The following ANO1 variants were observed in gnomAD, a reference collection of about 807,000 sequenced individuals.
The protein encoded by ANO1 is anoctamin 1, also known as anoctamin-1.
ANO1 carries 59 observed loss-of-function variants against 124.0 expected under a neutral mutation model. The observed-to-expected ratio is 0.48, with a 90% confidence interval of 0.39 to 0.59. ANO1 has a LOEUF of 0.59. ANO1 is among the 20% of genes least tolerant of loss of function. The pLI is 0.00. For synonymous variants in ANO1, 529 were observed against 532.0 expected, an observed-to-expected ratio of 0.99 and a Z score of 0.08; for missense variants, 1,059 against 1,328.0, an observed-to-expected ratio of 0.80 and a Z score of 3.15.
At position 70,179,997 on chromosome 11, in the gene ANO1, C is replaced by A. The variant is rs760766322; in HGVS notation, c.2351-7C>A. ...CTCTTTAAAACTGTGACTTCTTCTTCCCCCAGGAATCTGGTACAATATCCT... is the reference window on the plus strand; with the variant it reads ...CTCTTTAAAACTGTGACTTCTTCTTACCCCAGGAATCTGGTACAATATCCT... On this transcript the variant is annotated splice_polypyrimidine_tract_variant and splice_region_variant and intron_variant, in intron 22 of 25. Coordinates refer to ENST00000355303, the MANE Select transcript of ANO1 (RefSeq NM_018043.7). 2 of 1,611,766 alleles carry A rather than the reference C, an allele frequency of 1.2e-6. No individual in the cohort carries two copies. The highest frequency in any genetic ancestry group is 2.2e-5 in the East Asian group (1 of 44,874).
intron 25 of ANO1, among the ~76,000 whole-genome samples, chr11:70,186,365 A>AGGAAGGAAGGAAGGAG (rs1341496915): frequency 8.3e-6 from 1 of 120,656 alleles, no homozygotes; most frequent in African/African-American, 2.8e-5. Flanking sequence ...GAAGGAAGGA[A>AGGAAGGAAGGAAGGAG]GGAAGGAAGG....
chr11:70,021,720 G>A (rs1555002647), intron 1 of ANO1, among the ~76,000 whole-genome samples: 1 of 152,084 alleles, frequency 6.6e-6, no homozygotes, highest in African/African-American at 2.4e-5. Flanking sequence ...GCTGGGCAAG[G>A]CCTCGGGAGC....
intron 21 of ANO1, among the ~76,000 whole-genome samples, chr11:70,170,448 C>T (rs1315625797): frequency 6.6e-6 from 1 of 152,126 alleles, no homozygotes; most frequent in African/African-American, 2.4e-5. Flanking sequence ...AAAAATTAAG[C>T]AGTCATAGTG....
At chr11:70,185,400 C>A (rs191958207) in intron 24 of ANO1, among the ~76,000 whole-genome samples, 190 bp from the exon 25 acceptor site, 1 of 152,168 alleles carries the variant, frequency 6.6e-6, no homozygotes, top group Admixed American at 6.5e-5. Flanking sequence ...CCTGACCAAC[C>A]CCCTCCACTG....
intron 10 of ANO1, chr11:70,129,628 CT>C (rs5792510): frequency 0.52 from 74,618 of 142,372 alleles, 19,469 homozygotes; most frequent in Non-Finnish European, 0.58. Context: ...CACCCCCCGC[CT>C]TTTTTTTTTT....
chr11:69,973,999 T>C, the ANO1 span, among the ~76,000 whole-genome samples: 1 of 151,882 alleles, frequency 6.6e-6, no homozygotes, highest in African/African-American at 2.4e-5. Flanking sequence ...ACAGGGAAGA[T>C]AGGGTTCAGA....
chr11:70,104,844 G>A (rs541438156), intron 4 of ANO1, among the ~76,000 whole-genome samples: 39 of 152,230 alleles, frequency 2.6e-4, no homozygotes, highest in African/African-American at 8.9e-4. Context: ...TCGGGGGCAT[G>A]GAAAAGCAGA....
intron 1 of ANO1, among the ~76,000 whole-genome samples, chr11:70,082,179 A>T (rs532385320): frequency 1.3e-5 from 2 of 152,294 alleles, no homozygotes; most frequent in Admixed American, 1.3e-4. Flanking sequence ...CACAGTATAC[A>T]AGACCCAGCC....
chr11:70,108,302 G>T (rs534462014), intron 5 of ANO1, 51 bp from the exon 6 acceptor site: 4 of 1,573,866 alleles, frequency 2.5e-6, no homozygotes, highest in African/African-American at 1.3e-5. Context: ...GTTTCTGCTC[G>T]TGGAAGGTGC....
chr11:70,015,861 G>A (rs1856693934), intron 1 of ANO1: 1 of 152,262 alleles, frequency 6.6e-6, no homozygotes, highest in African/African-American at 2.4e-5. Flanking sequence ...ACTCCACAAG[G>A]AGAGATGCTG....
intron 10 of ANO1, among the ~76,000 whole-genome samples, chr11:70,126,713 C>A (rs1240929504): frequency 6.6e-6 from 1 of 151,566 alleles, no homozygotes; most frequent in Non-Finnish European, 1.5e-5. Flanking sequence ...ATGCCAGAGG[C>A]CTCGGTGCAG....
In ANO1 at chr11:70,063,342, T is replaced by G. The variant is rs890924324; in HGVS notation, c.59-15200T>G. ...AATTTCAGCTCCTCGGGCCCAGACC[T>G]GTCATCTTATCAGAACAATCCCAAT... On this transcript the variant is annotated intron_variant, in intron 1 of 27. Coordinates refer to the ANO1 transcript ENST00000531349. Among the ~76,000 whole-genome samples the G allele has an allele frequency of 5.9e-5, 9 of 152,332 alleles. No individual in the cohort carries two copies. The South Asian group carries it at 1.4e-3, about 25-fold the overall frequency.
At chr11:70,017,640 G>A (rs983357587) in intron 1 of ANO1, among the ~76,000 whole-genome samples, 1 of 151,718 alleles carries the variant, frequency 6.6e-6, no homozygotes, top group East Asian at 2.0e-4. Context: ...TCAGCCTTCC[G>A]AGTAGCTGGG....
At position 70,006,627 on chromosome 11, in the gene ANO1, T is replaced by C. The variant is rs146995077; in HGVS notation, c.58+20461T>C. On this transcript the variant is annotated intron_variant, in intron 1 of 27. Coordinates refer to the ANO1 transcript ENST00000531349. ...TCTTTCTTTCTCTTTCTTTCTTTCT[T>C]CTTTCTTTTCTTTCTTCTTTCTTTC... Among the ~76,000 whole-genome samples the C allele has an allele frequency of 3.3e-3, 502 of 150,950 alleles. 3 individuals are homozygous for C. Among genetic ancestry groups the C allele is most frequent in the African/African-American group, 0.011 (465 of 41,172 alleles).
chr11:70,101,514 C>T (rs904909252), intron 2 of ANO1, among the ~76,000 whole-genome samples: 4 of 146,924 alleles, frequency 2.7e-5, no homozygotes, highest in African/African-American at 1.0e-4. Flanking sequence ...TGAGAACACG[C>T]CACTGCATTC....
intron 1 of ANO1, among the ~76,000 whole-genome samples, chr11:70,040,395 G>A (rs1303724670): frequency 6.6e-6 from 1 of 152,122 alleles, no homozygotes; most frequent in African/African-American, 2.4e-5. Context: ...AGTCCTCTAG[G>A]GCAAGGTATG....
At chr11:70,147,562 C>T (rs1209385350) in intron 11 of ANO1, among the ~76,000 whole-genome samples, 1 of 152,228 alleles carries the variant, frequency 6.6e-6, no homozygotes, top group African/African-American at 2.4e-5. Context: ...AGGCGCGTTC[C>T]CCAGGCTCCT....
In ANO1 at chr11:70,168,038, AC is replaced by A. The variant is rs1389425887; in HGVS notation, c.2197+657del. ...AAAGGAGACCCAGGGATCGAGCCTT[AC>A]CCCCCTCAATCACGTGGCTGGCCAG... is the stretch of plus-strand genomic sequence containing the variant. On this transcript the variant is annotated intron_variant, in intron 21 of 25. Coordinates refer to ENST00000355303, the MANE Select transcript of ANO1 (RefSeq NM_018043.7). 5.9e-5 allele frequency among the ~76,000 whole-genome samples: 9 copies of A among 152,064 alleles called. 1 individual carries two copies. In the South Asian group the frequency reaches 1.5e-3, roughly 25 times the overall value.
chr11:70,152,595 C>A, intron 13 of ANO1, 134 bp downstream of exon 13: 1 of 1,057,528 alleles, frequency 9.5e-7, no homozygotes. Context: ...TCTGCTTTCT[C>A]CCCACCTCCG....
Sources: allele counts gnomAD v4.1 joint callset (sites outside exome capture counted in the v4.1 genomes callset), GRCh38; gene constraint gnomAD v4.1.1; transcripts MANE v1.5; gene names NCBI Gene and HGNC (gene_info 2026-07-23, HGNC 2026-07-21).